The following SCUBE1 variants were observed in gnomAD, a reference collection of about 807,000 sequenced individuals.
SCUBE1 encodes signal peptide, CUB and EGF-like domain-containing protein 1.
A neutral mutation model predicts 124.4 loss-of-function variants in SCUBE1; 59 were observed. The ratio of observed to expected loss-of-function variants is 0.47; its 90% CI spans 0.38 to 0.59. The LOEUF (loss-of-function observed/expected upper bound fraction) is 0.59. SCUBE1 is among the 20% of genes least tolerant of loss of function. The pLI is 0.00. For synonymous variants in SCUBE1, 545 were observed against 550.9 expected (o/e 0.99, Z 0.15); for missense variants, 1,150 against 1,371.2 (o/e 0.84, Z 2.55).
At chr22:43,266,200 G>C (rs1196295665) in intron 4 of SCUBE1, among the ~76,000 whole-genome samples, 1 of 152,166 alleles carries the variant, frequency 6.6e-6, no homozygotes, top group Non-Finnish European at 1.5e-5. Context: ...CCCCAGTCAG[G>C]CCCGCGCGAG....
chr22:43,338,864 C>T (rs148464241), intron 2 of SCUBE1, among the ~76,000 whole-genome samples: 138 of 152,332 alleles, frequency 9.1e-4, no homozygotes, highest in African/African-American at 3.2e-3. Flanking sequence ...CAAAAAGTTT[C>T]AAGCCCAGTT....
intron 5 of SCUBE1, among the ~76,000 whole-genome samples, chr22:43,260,174 G>A (rs1206809545): frequency 6.6e-6 from 1 of 152,204 alleles, no homozygotes; most frequent in East Asian, 1.9e-4. Context: ...GGCTCCTGGA[G>A]ACAGGCTGTG....
At chr22:43,330,063 A>G (rs1261611302) in intron 2 of SCUBE1, among the ~76,000 whole-genome samples, 9 of 143,230 alleles carry the variant, frequency 6.3e-5, no homozygotes, top group Non-Finnish European at 3.1e-5. Flanking sequence ...GGAATTAGAG[A>G]AAAAAAAAAA....
chr22:43,222,710 C>T lies in SCUBE1; in HGVS notation c.1360G>A (p.Val454Ile), dbSNP rs868663624. The T allele has an allele frequency of 6.2e-7, 1 of 1,606,102 alleles. No individual in the cohort carries two copies. The highest frequency in any genetic ancestry group is 8.5e-7 in the Non-Finnish European group (1 of 1,176,654). The change falls in exon 12 of 22, where the codon GTT becomes ATT. Residue 454 changes from valine (V) to isoleucine (I), a missense_variant. Transcript: ENST00000360835. ...AGCGCCTTGCCCTGCGGCCCTGGAA[C>T]TCCGCAGCTCAGGACGTAGCTATTT... ...SENSYVLSCG[V>I]PGPQGKALQK...
intron 6 of SCUBE1, among the ~76,000 whole-genome samples, chr22:43,249,978 TCA>T (rs1923376620): frequency 6.6e-6 from 1 of 152,262 alleles, no homozygotes; most frequent in Admixed American, 6.5e-5. Flanking sequence ...CCCAACTGCG[TCA>T]CACAGCTGAT....
chr22:43,247,245 T>G (rs935111226), intron 6 of SCUBE1, among the ~76,000 whole-genome samples: 1 of 152,192 alleles, frequency 6.6e-6, no homozygotes, highest in African/African-American at 2.4e-5. Context: ...GCCTGTCCAG[T>G]GCCTCAGCTA....
At chr22:43,226,741 G>GT (rs1284377514) in intron 10 of SCUBE1, among the ~76,000 whole-genome samples, 10 of 152,018 alleles carry the variant, frequency 6.6e-5, no homozygotes. Flanking sequence ...AGGACCCGGC[G>GT]TGGAGGTTCC....
Position 43,210,382 on chromosome 22 carries a change from GC to G in SCUBE1, c.2384-143del. ...CCCCACACTAGCCCTCGGACCCTGA[GC>G]CCATCCTCCTTGGGGACCCTGCCTG... On this transcript the variant is annotated intron_variant, in intron 18 of 21. Transcript: ENST00000360835. This position sits in a 1 kb window ranked among gnomAD's most constrained non-coding sequence, Gnocchi z 4.5. 1 of 682,148 alleles carries G rather than the reference GC, an allele frequency of 1.5e-6. No homozygotes were observed. Among genetic ancestry groups the G allele is most frequent in the Non-Finnish European group, 2.3e-6 (1 of 442,456 alleles). 42.3% of individuals were successfully genotyped at this position (682,148 alleles called of 1,614,324 possible).
chr22:43,249,109 C>T (rs1455559891), intron 6 of SCUBE1, among the ~76,000 whole-genome samples: 2 of 152,054 alleles, frequency 1.3e-5, no homozygotes, highest in African/African-American at 4.8e-5. Context: ...AAGATGGCAC[C>T]TGGGTAGAGA....
intron 6 of SCUBE1, among the ~76,000 whole-genome samples, chr22:43,243,332 A>G (rs933774237): frequency 7.3e-4 from 111 of 152,254 alleles, no homozygotes; most frequent in African/African-American, 2.6e-3. Context: ...GGCCAAGGAG[A>G]AGGAAGGCCA....
chr22:43,288,685 C>A (rs928939274), intron 4 of SCUBE1, among the ~76,000 whole-genome samples: 1 of 152,240 alleles, frequency 6.6e-6, no homozygotes, highest in African/African-American at 2.4e-5. Flanking sequence ...CACCGCATCA[C>A]CTCCCAAGGA....
chr22:43,215,955 G>A (rs1185201198), intron 15 of SCUBE1, among the ~76,000 whole-genome samples: 1 of 152,150 alleles, frequency 6.6e-6, no homozygotes, highest in Non-Finnish European at 1.5e-5. Flanking sequence ...GTGGTCAAAT[G>A]TGCACAATTG....
chr22:43,293,730 T>A (rs1925457192), intron 3 of SCUBE1, among the ~76,000 whole-genome samples: 1 of 152,226 alleles, frequency 6.6e-6, no homozygotes, highest in Non-Finnish European at 1.5e-5. Context: ...GGTTGTTACC[T>A]TCCTTCTCAT....
chr22:43,205,897 A>C (rs1601791115), intron 21 of SCUBE1, among the ~76,000 whole-genome samples: 1 of 45,726 alleles, frequency 2.2e-5, no homozygotes, highest in Admixed American at 2.8e-4. Flanking sequence ...CCCTCACCAC[A>C]AACACCCCCA....
chr22:43,214,402 G>A, intron 15 of SCUBE1, 151 bp from the exon 16 acceptor site: 2 of 662,768 alleles, frequency 3.0e-6, no homozygotes, highest in Non-Finnish European at 4.9e-6. Context: ...TATCCCAGAA[G>A]AGCCTGGGGC....
At chr22:43,324,064 C>T (rs754565803) in intron 2 of SCUBE1, among the ~76,000 whole-genome samples, 13 of 152,136 alleles carry the variant, frequency 8.5e-5, no homozygotes, top group Non-Finnish European at 1.3e-4. Flanking sequence ...GTCTGAGAAA[C>T]GTCAGACCTC....
intron 3 of SCUBE1, among the ~76,000 whole-genome samples, chr22:43,313,259 A>G (rs1926232413): frequency 6.6e-6 from 1 of 152,208 alleles, no homozygotes; most frequent in Non-Finnish European, 1.5e-5. Context: ...TAATAAATCA[A>G]TGCTTCTGAA....
At chr22:43,215,185 G>C (rs933100660) in intron 15 of SCUBE1, among the ~76,000 whole-genome samples, 2 of 152,194 alleles carry the variant, frequency 1.3e-5, no homozygotes, top group African/African-American at 4.8e-5. Context: ...GTGTCAGTTG[G>C]ATCTGAAGGG....
intron 2 of SCUBE1, among the ~76,000 whole-genome samples, chr22:43,327,066 T>C (rs1379462919): frequency 5.3e-5 from 8 of 152,150 alleles, no homozygotes; most frequent in Non-Finnish European, 2.9e-5. Context: ...CCCGAGCATG[T>C]TCAAAGGCAT....
Sources: allele counts gnomAD v4.1 joint callset (sites outside exome capture counted in the v4.1 genomes callset), GRCh38; gene constraint gnomAD v4.1.1; non-coding constraint Gnocchi (gnomAD v3.1); transcripts MANE v1.5; gene names NCBI Gene and HGNC (gene_info 2026-07-23, HGNC 2026-07-21).